The following ZNF569 variants were observed in gnomAD, a reference collection of about 807,000 sequenced individuals.
ZNF569 encodes the protein DNA-binding protein.
Under a neutral mutation model 56.3 loss-of-function variants are expected in ZNF569, and 38 were observed. That is an observed-to-expected ratio of 0.68 (90% CI 0.52 to 0.88). The LOEUF is 0.88. Among genes scored for constraint, ZNF569 ranks in the 40% least tolerant of loss-of-function variants. The probability of loss-of-function intolerance (pLI) is 0.00; values close to 1 mark genes in which losing one functional copy is unlikely to be tolerated. For synonymous variants in ZNF569, 241 were observed against 262.9 expected, an observed-to-expected ratio of 0.92 and a Z score of 0.81; for missense variants, 666 against 809.2, an observed-to-expected ratio of 0.82 and a Z score of 2.15.
chr19:37,464,382 G>T (rs1052721727), intron 2 of ZNF569, among the ~76,000 whole-genome samples: 1 of 152,078 alleles, frequency 6.6e-6, no homozygotes, highest in African/African-American at 2.4e-5. Context: ...GTAGAGATGG[G>T]GTTTCACCGT....
intron 3 of ZNF569, among the ~76,000 whole-genome samples, chr19:37,428,319 C>T (rs2041168512): frequency 6.6e-6 from 1 of 151,930 alleles, no homozygotes; most frequent in Non-Finnish European, 1.5e-5. Flanking sequence ...GTCTGGGCAA[C>T]ATAGCAAAAC....
chr19:37,447,512 C>T (rs1196362081), intron 2 of ZNF569, among the ~76,000 whole-genome samples: 1 of 152,166 alleles, frequency 6.6e-6, no homozygotes, highest in Non-Finnish European at 1.5e-5. Context: ...GATTCTTTGG[C>T]ATTTTCTACT....
In ZNF569 at chr19:37,441,991, T is replaced by C. The variant is rs182698660; in HGVS notation, c.15+2916A>G. ...GACTAAATAATTGTCAAGAGAACAA[T>C]TTGCTGATTGAACTAAGTTTTGAAT... On this transcript the variant is annotated intron_variant, in intron 3 of 5. Transcript: ENST00000316950. Among the ~76,000 whole-genome samples the C allele has an allele frequency of 1.9e-3, 283 of 152,294 alleles. 1 individual carries two copies. Among genetic ancestry groups the C allele is most frequent in the African/African-American group, 6.7e-3 (279 of 41,564 alleles).
Position 37,444,946 on chromosome 19 carries a change from G to T in ZNF569, c.-25C>A. 6.2e-7 allele frequency: 1 copy of T among 1,607,150 alleles called. No homozygotes were observed. ...TTTCCTCTTCTTTCTGGGAAGGGATGGGGCCTGCAGAAGTAGAGCTGGGGA... is the reference window on the plus strand; with the variant it reads ...TTTCCTCTTCTTTCTGGGAAGGGATTGGGCCTGCAGAAGTAGAGCTGGGGA... On this transcript the variant is annotated 5_prime_UTR_variant, in exon 3 of 6. Coordinates refer to ENST00000316950, the MANE Select transcript of ZNF569 (RefSeq NM_152484.3).
intron 3 of ZNF569, among the ~76,000 whole-genome samples, chr19:37,435,736 TA>T (rs142693879): frequency 0.021 from 3,194 of 152,124 alleles, 58 homozygotes; most frequent in Middle Eastern, 0.061. Context: ...ACAAAAACTA[TA>T]AAAAGAGACA....
intron 2 of ZNF569, among the ~76,000 whole-genome samples, chr19:37,460,079 A>T (rs757243847): frequency 3.9e-5 from 6 of 152,240 alleles, no homozygotes. Flanking sequence ...TTCTATTTGC[A>T]TACGAAGCAA....
Position 37,425,777 on chromosome 19 carries a change from T to C in ZNF569, c.238+91A>G, listed in dbSNP as rs1224475856. On this transcript the variant is annotated intron_variant, in intron 5 of 5. Coordinates refer to ENST00000316950, the MANE Select transcript of ZNF569 (RefSeq NM_152484.3). ...ACTGTGCCAACCTCTGAAAATATCT[T>C]TGAAGAATATTTTAGAGGGATCAAC... is the stretch of plus-strand genomic sequence containing the variant. 5 of 1,097,920 alleles carry C rather than the reference T, an allele frequency of 4.6e-6. No homozygotes were observed. In the African/African-American group the frequency reaches 6.2e-5, roughly 14 times the overall value. 68.0% of individuals were successfully genotyped at this position (1,097,920 alleles called of 1,614,324 possible).
intron 5 of ZNF569, among the ~76,000 whole-genome samples, chr19:37,423,602 G>C (rs2041073537): frequency 6.6e-6 from 1 of 152,056 alleles, no homozygotes; most frequent in Non-Finnish European, 1.5e-5. Flanking sequence ...TGGCAAAAAA[G>C]TACTTCAACG....
At chr19:37,432,937 T>C (rs2041249589) in intron 3 of ZNF569, among the ~76,000 whole-genome samples, 1 of 145,092 alleles carries the variant, frequency 6.9e-6, no homozygotes, top group African/African-American at 2.6e-5. Flanking sequence ...AGACAGAGTC[T>C]CTGTAATCCA....
chr19:37,465,723 T>C (rs2041820065), intron 1 of ZNF569, among the ~76,000 whole-genome samples: 1 of 152,204 alleles, frequency 6.6e-6, no homozygotes, highest in Admixed American at 6.5e-5. Context: ...AATAATTGGA[T>C]AGGTTCTGGG....
upstream of ZNF569, chr19:37,467,905 G>A: frequency 6.5e-7 from 1 of 1,536,058 alleles, no homozygotes; most frequent in Non-Finnish European, 8.7e-7. Flanking sequence ...GCATGTATTT[G>A]TTCTTTCTGG....
intron 2 of ZNF569, among the ~76,000 whole-genome samples, chr19:37,456,965 CT>C (rs2041680489): frequency 1.4e-5 from 2 of 138,610 alleles, no homozygotes; most frequent in Non-Finnish European, 3.1e-5. Flanking sequence ...GAGACACCGT[CT>C]CAAAAAAAAA....
intron 2 of ZNF569, among the ~76,000 whole-genome samples, chr19:37,457,301 A>G (rs1466898142): frequency 6.6e-6 from 1 of 152,224 alleles, no homozygotes; most frequent in Non-Finnish European, 1.5e-5. Context: ...TGAGGATTTA[A>G]TCGAGAATTC....
intron 2 of ZNF569, among the ~76,000 whole-genome samples, chr19:37,452,842 C>A (rs1244126079): frequency 6.6e-6 from 1 of 152,048 alleles, no homozygotes; most frequent in African/African-American, 2.4e-5. Flanking sequence ...TCTGGATGTT[C>A]GTTTCCTTCC....
chr19:37,464,265 A>G (rs2041798035), intron 2 of ZNF569, among the ~76,000 whole-genome samples: 1 of 151,984 alleles, frequency 6.6e-6, no homozygotes, highest in South Asian at 2.1e-4. Flanking sequence ...TCTCAGCTCA[A>G]TGCAAGCTCC....
chr19:37,420,687 T>G (rs2041020543), intron 5 of ZNF569, among the ~76,000 whole-genome samples: 1 of 152,214 alleles, frequency 6.6e-6, no homozygotes, highest in African/African-American at 2.4e-5. Flanking sequence ...TTCAAAGTCA[T>G]CCATGAGTGT....
At chr19:37,463,306 G>A (rs565077091) in intron 2 of ZNF569, among the ~76,000 whole-genome samples, 1 of 152,240 alleles carries the variant, frequency 6.6e-6, no homozygotes, top group East Asian at 1.9e-4. Flanking sequence ...AGACTTTAAT[G>A]AAGCTAAAAA....
At chr19:37,445,056 G>T in intron 2 of ZNF569, 92 bp from the exon 3 acceptor site, 2 of 919,324 alleles carry the variant, frequency 2.2e-6, no homozygotes, top group Non-Finnish European at 3.3e-6. Flanking sequence ...CCCTGTAGTG[G>T]AATGATAATT....
At position 37,446,567 on chromosome 19, in the gene ZNF569, A is replaced by AAAAAAAAAAG. The variant is rs1555839149; in HGVS notation, c.-43-1604_-43-1603insCTTTTTTTTT. On this transcript the variant is annotated intron_variant, in intron 2 of 5. Coordinates refer to ENST00000316950, the MANE Select transcript of ZNF569 (RefSeq NM_152484.3). The stretch of plus-strand genomic sequence containing the variant: ...TCCATCTCAAAAAAAAAAAAAAAAA[A>AAAAAAAAAAG]AAGAATGAAACTGGATCCTTATCTC... Among the ~76,000 whole-genome samples, 12 of 140,998 alleles carry AAAAAAAAAAG rather than the reference A, an allele frequency of 8.5e-5. 1 individual carries two copies. Among genetic ancestry groups the AAAAAAAAAAG allele is most frequent in the African/African-American group, 2.2e-4 (8 of 36,336 alleles). 92.5% of individuals were successfully genotyped at this position (140,998 alleles called of 152,430 possible). A position where few individuals can be genotyped will look rare whatever the true frequency, so the allele number is the denominator to read the frequency against.
Sources: gnomAD v4.1 joint callset for allele counts (sites outside exome capture counted in the v4.1 genomes callset) on GRCh38, gnomAD v4.1.1 for gene constraint, MANE v1.5 for transcripts, NCBI Gene and HGNC (gene_info 2026-07-23, HGNC 2026-07-21) for gene names.